RUBCN: variants seen among roughly 807,000 people sequenced by gnomAD.
RUBCN encodes run domain Beclin-1-interacting and cysteine-rich domain-containing protein.
RUBCN carries 74 observed loss-of-function variants against 113.2 expected under a neutral mutation model. That is an observed-to-expected ratio of 0.65 (90% CI 0.54 to 0.79). The LOEUF (loss-of-function observed/expected upper bound fraction) is 0.79. Ranked by LOEUF, RUBCN falls within the 30% of genes least tolerant of loss-of-function variation. The pLI, the probability that RUBCN is intolerant of heterozygous loss-of-function variation, is 0.00. For synonymous variants in RUBCN, 480 were observed against 490.0 expected, an observed-to-expected ratio of 0.98 and a Z score of 0.27; for missense variants, 1,109 against 1,251.7, an observed-to-expected ratio of 0.89 and a Z score of 1.72.
At position 197,674,847 on chromosome 3, in the gene RUBCN, C is replaced by T. The variant is rs551195120; in HGVS notation, c.*171G>A. On this transcript the variant is annotated 3_prime_UTR_variant, in exon 20 of 20. Coordinates refer to ENST00000296343, the MANE Select transcript of RUBCN (RefSeq NM_014687.4). ...GACTCTGGACCCATCAACCTGCCGACGGCTGACTGCACACAGACGTCAGAC... is the reference window on the plus strand; with the variant it reads ...GACTCTGGACCCATCAACCTGCCGATGGCTGACTGCACACAGACGTCAGAC... 42 of 583,584 alleles carry T rather than the reference C, an allele frequency of 7.2e-5. No homozygotes were observed. Among genetic ancestry groups the T allele is most frequent in the African/African-American group, 4.3e-4 (21 of 49,300 alleles). 36.2% of individuals were successfully genotyped at this position (583,584 alleles called of 1,614,324 possible).
rs1216241904 is a variant in RUBCN at position 197,671,972 on chromosome 3, G to C, written c.*3046C>G. On this transcript the variant is annotated 3_prime_UTR_variant, in exon 20 of 20. Coordinates refer to ENST00000296343, the MANE Select transcript of RUBCN (RefSeq NM_014687.4). The stretch of plus-strand genomic sequence containing the variant: ...AGTGGACACATGCCATTTCTTGACA[G>C]TCAAGGCAGGCTGACGAAAGACAGA... 6.6e-6 allele frequency: 1 copy of C among 152,226 alleles called. No individual in the cohort carries two copies. The highest frequency in any genetic ancestry group is 1.5e-5 in the Non-Finnish European group (1 of 68,038). The allele number at this position is 152,226 out of a possible 1,614,324, so 9.4% of individuals were successfully genotyped here. A position where few individuals can be genotyped will look rare whatever the true frequency, so the allele number is the denominator to read the frequency against.
intron 1 of RUBCN, among the ~76,000 whole-genome samples, chr3:197,722,692 T>C (rs577269882): frequency 7.9e-5 from 12 of 152,046 alleles, no homozygotes; most frequent in Non-Finnish European, 7.4e-5. Flanking sequence ...TTTTGCTGAA[T>C]TGACTCTTTA....
At chr3:197,737,074 C>A (rs1260168587), upstream of RUBCN, 10 of 512,774 alleles carry the variant, frequency 2.0e-5, no homozygotes, top group Non-Finnish European at 2.8e-5. Flanking sequence ...CCGCAGGCCG[C>A]GCCCTCCAAT....
chr3:197,736,045 ACT>A (rs534349142), intron 1 of RUBCN, among the ~76,000 whole-genome samples: 47 of 152,216 alleles, frequency 3.1e-4, no homozygotes, highest in Non-Finnish European at 6.2e-4. Flanking sequence ...AGGTCCTGCC[ACT>A]CTCTGACAGG....
At chr3:197,726,299 T>G (rs941833417) in intron 1 of RUBCN, among the ~76,000 whole-genome samples, 4 of 150,930 alleles carry the variant, frequency 2.7e-5, no homozygotes, top group Non-Finnish European at 3.0e-5. Flanking sequence ...CAGGCTGGAG[T>G]GCAGTGGCGT....
intron 1 of RUBCN, among the ~76,000 whole-genome samples, chr3:197,720,684 G>A (rs1362843293): frequency 6.6e-6 from 1 of 152,148 alleles, no homozygotes; most frequent in Non-Finnish European, 1.5e-5. Flanking sequence ...TGGGATTACA[G>A]GAGTGAGCCA....
chr3:197,711,062 G>A (rs1207731714), intron 2 of RUBCN, among the ~76,000 whole-genome samples: 1 of 152,222 alleles, frequency 6.6e-6, no homozygotes, highest in Non-Finnish European at 1.5e-5. Flanking sequence ...CTGACCTCGT[G>A]ATCCACCTGC....
At position 197,682,367 on chromosome 3, in the gene RUBCN, G is replaced by A. The variant is rs1721340755; in HGVS notation, c.2126+103C>T. On this transcript the variant is annotated intron_variant, in intron 14 of 19. Transcript: ENST00000296343. Reference sequence around the variant, plus strand: ...TGCCTTTAAATGAAGAGAACGGTGTGGGAAGGACAGCTGGAGGCAGGGACA... The same window carrying A: ...TGCCTTTAAATGAAGAGAACGGTGTAGGAAGGACAGCTGGAGGCAGGGACA... The A allele has an allele frequency of 2.9e-6, 4 of 1,370,318 alleles. No homozygotes were observed. The South Asian group carries it at 4.9e-5, about 17-fold the overall frequency. The allele number at this position is 1,370,318 out of a possible 1,614,324, so 84.9% of individuals were successfully genotyped here.
At chr3:197,741,555 G>A (rs139828521), upstream of RUBCN, among the ~76,000 whole-genome samples, 1,032 of 152,270 alleles carry the variant, frequency 6.8e-3, 9 homozygotes, top group African/African-American at 0.023. Context: ...AACTGGCTGG[G>A]CACAGTGGCT....
intron 7 of RUBCN, among the ~76,000 whole-genome samples, chr3:197,699,944 A>G (rs1723448586): frequency 6.6e-6 from 1 of 152,138 alleles, no homozygotes; most frequent in South Asian, 2.1e-4. Flanking sequence ...ACCCAACCAA[A>G]GCCTGCCGGA....
At chr3:197,685,035 T>C (rs1721685691) in intron 11 of RUBCN, among the ~76,000 whole-genome samples, 1 of 152,194 alleles carries the variant, frequency 6.6e-6, no homozygotes, top group South Asian at 2.1e-4. Flanking sequence ...ACCAACACGT[T>C]TTGACAAAGA....
At position 197,697,066 on chromosome 3, in the gene RUBCN, C is replaced by G; in HGVS notation, c.1262-17G>C. 7.5e-7 allele frequency: 1 copy of G among 1,339,314 alleles called. No homozygotes were observed. Among genetic ancestry groups the G allele is most frequent in the Non-Finnish European group, 1.1e-6 (1 of 929,860 alleles). The allele number at this position is 1,339,314 out of a possible 1,614,324, so 83.0% of individuals were successfully genotyped here. The stretch of plus-strand genomic sequence containing the variant: ...TGCAGGATTCTAATGACGATGACCA[C>G]CAGCGAGTAAAAACACATACGAAAT... On this transcript the variant is annotated splice_polypyrimidine_tract_variant and intron_variant, in intron 7 of 19. Transcript: ENST00000296343.
At position 197,684,695 on chromosome 3, in the gene RUBCN, T is replaced by C. The variant is rs1394340295; in HGVS notation, c.1787-478A>G. Among the ~76,000 whole-genome samples the C allele has an allele frequency of 3.3e-5, 5 of 151,406 alleles. No homozygotes were observed. The East Asian group carries it at 9.7e-4, about 29-fold the overall frequency. On this transcript the variant is annotated intron_variant, in intron 11 of 19. Coordinates refer to ENST00000296343, the MANE Select transcript of RUBCN (RefSeq NM_014687.4). ...ACACACACACATATATACACATATA[T>C]ATACATATATACGCACACACATATA...
At chr3:197,714,324 T>C (rs1330237458) in intron 2 of RUBCN, among the ~76,000 whole-genome samples, 1 of 152,134 alleles carries the variant, frequency 6.6e-6, no homozygotes, top group Admixed American at 6.6e-5. Context: ...TGGTGCTTTT[T>C]GCTGTTTTGG....
chr3:197,725,197 G>A (rs951137838), intron 1 of RUBCN, among the ~76,000 whole-genome samples: 2 of 152,114 alleles, frequency 1.3e-5, no homozygotes, highest in African/African-American at 4.8e-5. Context: ...CTGGAAAGAG[G>A]TAATGGGTTC....
At chr3:197,742,625 A>G (rs1429818888) in intron 1 of RUBCN, among the ~76,000 whole-genome samples, 1 of 152,220 alleles carries the variant, frequency 6.6e-6, no homozygotes, top group African/African-American at 2.4e-5. Flanking sequence ...CTGCATGAAG[A>G]GGGTCAGAGC....
At chr3:197,684,333 C>G (rs912423711) in intron 11 of RUBCN, 116 bp from the exon 12 acceptor site, 10 of 811,822 alleles carry the variant, frequency 1.2e-5, no homozygotes, top group Admixed American at 5.1e-5. Context: ...AGGTGCCACA[C>G]TCTATGCAGG....
Position 197,670,344 on chromosome 3 carries a change from G to A in RUBCN, c.*4674C>T, listed in dbSNP as rs964394342. On this transcript the variant is annotated 3_prime_UTR_variant, in exon 20 of 20. Coordinates refer to ENST00000296343, the MANE Select transcript of RUBCN (RefSeq NM_014687.4). ...AGCTCTGGCATGGTGTCTGGAACAC[G>A]GAGGCATCTATAGATGTTTGGGATT... is the stretch of plus-strand genomic sequence containing the variant. 6.6e-6 allele frequency among the ~76,000 whole-genome samples: 1 copy of A among 152,166 alleles called. No individual in the cohort carries two copies. Among genetic ancestry groups the A allele is most frequent in the African/African-American group, 2.4e-5 (1 of 41,454 alleles).
Position 197,674,829 on chromosome 3 carries a change from G to T in RUBCN, c.*189C>A. On this transcript the variant is annotated 3_prime_UTR_variant, in exon 20 of 20. Coordinates refer to ENST00000296343, the MANE Select transcript of RUBCN (RefSeq NM_014687.4). ...AAATTATCTGTCACCACAGACTCTG[G>T]ACCCATCAACCTGCCGACGGCTGAC... 1 of 565,308 alleles carries T rather than the reference G, an allele frequency of 1.8e-6. No homozygotes were observed. Among genetic ancestry groups the T allele is most frequent in the Non-Finnish European group, 3.1e-6 (1 of 327,402 alleles). The allele number at this position is 565,308 out of a possible 1,614,324, so 35.0% of individuals were successfully genotyped here.
Sources: allele counts gnomAD v4.1 joint callset (sites outside exome capture counted in the v4.1 genomes callset), GRCh38; gene constraint gnomAD v4.1.1; transcripts MANE v1.5; gene names NCBI Gene and HGNC (gene_info 2026-07-23, HGNC 2026-07-21).